The following JHY variants were observed in gnomAD, a reference collection of about 807,000 sequenced individuals.
JHY encodes the protein jhy protein homolog.
In JHY, 69 loss-of-function variants were observed where a neutral mutation model predicts 78.0. That is an observed-to-expected ratio of 0.88 (90% CI 0.73 to 1.08). The LOEUF is 1.08. Ranked by LOEUF, JHY falls within the 50% of genes least tolerant of loss-of-function variation. JHY has a pLI of 0.00. For missense variants in JHY, 944 were observed against 927.8 expected (o/e 1.02, Z -0.23); for synonymous variants, 368 against 342.6 (o/e 1.07, Z -0.82).
intron 4 of JHY, among the ~76,000 whole-genome samples, chr11:122,927,980 C>T (rs1038042205): frequency 6.6e-6 from 1 of 152,268 alleles, no homozygotes; most frequent in African/African-American, 2.4e-5. Flanking sequence ...ATCTGCCCGC[C>T]TGGGCCTCCC....
At chr11:122,930,232 C>T (rs1863607844) in intron 4 of JHY, among the ~76,000 whole-genome samples, 1 of 152,068 alleles carries the variant, frequency 6.6e-6, no homozygotes, top group East Asian at 1.9e-4. Flanking sequence ...AGGTGCAGGC[C>T]AGCACGCCCA....
intron 5 of JHY, among the ~76,000 whole-genome samples, chr11:122,938,940 A>C (rs1471914904): frequency 3.3e-5 from 5 of 150,586 alleles, no homozygotes; most frequent in Non-Finnish European, 5.9e-5. Context: ...ACAGTTGCCT[A>C]GGTGCACAAA....
rs1864301944 is a variant in JHY at position 122,960,995 on chromosome 11, C to T, written c.*1550C>T. On this transcript the variant is annotated 3_prime_UTR_variant, in exon 9 of 9. Transcript: ENST00000227349. ...AGCACATGATAAATTGGGTGCAGAGCATCTCTGCACAACAGGAAAAGGAGA... is the reference window on the plus strand; with the variant it reads ...AGCACATGATAAATTGGGTGCAGAGTATCTCTGCACAACAGGAAAAGGAGA... 1.2e-6 allele frequency: 1 copy of T among 860,330 alleles called. No homozygotes were observed. Among genetic ancestry groups the T allele is most frequent in the Non-Finnish European group, 2.0e-6 (1 of 505,842 alleles). 53.3% of individuals were successfully genotyped at this position (860,330 alleles called of 1,614,324 possible).
chr11:122,947,987 G>A (rs1276347721), intron 6 of JHY, among the ~76,000 whole-genome samples: 1 of 152,146 alleles, frequency 6.6e-6, no homozygotes, highest in Non-Finnish European at 1.5e-5. Context: ...GCAGCTCCAC[G>A]TGGCTGAGGC....
intron 2 of JHY, among the ~76,000 whole-genome samples, chr11:122,899,464 G>A (rs1330893052): frequency 2.0e-5 from 3 of 152,178 alleles, no homozygotes; most frequent in Non-Finnish European, 2.9e-5. Context: ...AATGCAAGAA[G>A]CCTTTACATG....
chr11:122,915,659 C>T (rs1404775876), intron 3 of JHY, among the ~76,000 whole-genome samples: 4 of 152,022 alleles, frequency 2.6e-5, no homozygotes, highest in Non-Finnish European at 4.4e-5. Context: ...ATTAGAGGTA[C>T]CCGCCACCAT....
chr11:122,959,556 C>A lies in JHY; in HGVS notation c.*111C>A, dbSNP rs76252188. On this transcript the variant is annotated 3_prime_UTR_variant, in exon 9 of 9. Transcript: ENST00000227349. ...GTAATGGCCTATTATTATCATCTATCTGCCGTCCATGTTTGCTTTCTGCAG... is the reference window on the plus strand; with the variant it reads ...GTAATGGCCTATTATTATCATCTATATGCCGTCCATGTTTGCTTTCTGCAG... 28,046 of 1,017,120 alleles carry A rather than the reference C, an allele frequency of 0.028. 808 individuals are homozygous for A. Among genetic ancestry groups the A allele is most frequent in the East Asian group, 0.11 (4,090 of 38,020 alleles). The allele number at this position is 1,017,120 out of a possible 1,614,324, so 63.0% of individuals were successfully genotyped here. A position where few individuals can be genotyped will look rare whatever the true frequency, so the allele number is the denominator to read the frequency against.
Position 122,909,460 on chromosome 11 carries a change from G to A in JHY, c.864+5016G>A, listed in dbSNP as rs189866949. Among the ~76,000 whole-genome samples, 504 of 152,116 alleles carry A rather than the reference G, an allele frequency of 3.3e-3. 3 individuals carry two copies. The highest frequency in any genetic ancestry group is 8.9e-3 in the South Asian group (43 of 4,810). Reference sequence around the variant, plus strand: ...CTCAGTCTCCTCATCTTTAAAATGAGGACAGTAATAGGACTTTCCTCATAG... The same window carrying A: ...CTCAGTCTCCTCATCTTTAAAATGAAGACAGTAATAGGACTTTCCTCATAG... On this transcript the variant is annotated intron_variant, in intron 3 of 8. Coordinates refer to ENST00000227349, the MANE Select transcript of JHY (RefSeq NM_024806.4).
At chr11:122,895,279 T>C (rs918448635) in intron 2 of JHY, among the ~76,000 whole-genome samples, 3 of 147,470 alleles carry the variant, frequency 2.0e-5, no homozygotes, top group African/African-American at 7.3e-5. Context: ...AATAATAACA[T>C]GTGCAGTTTC....
At chr11:122,928,718 G>A (rs1293080425) in intron 4 of JHY, among the ~76,000 whole-genome samples, 3 of 152,006 alleles carry the variant, frequency 2.0e-5, no homozygotes, top group African/African-American at 7.2e-5. Flanking sequence ...GCACAATCTC[G>A]GCTCACTGCA....
intron 3 of JHY, among the ~76,000 whole-genome samples, chr11:122,915,232 G>A (rs530538782): frequency 2.6e-5 from 4 of 152,218 alleles, no homozygotes; most frequent in South Asian, 2.1e-4. Flanking sequence ...CAATGTGATC[G>A]CTTCTTTGCC....
rs567478138 is a variant in JHY at position 122,917,508 on chromosome 11, G to A, written c.865-7389G>A. Among the ~76,000 whole-genome samples, 4 of 152,306 alleles carry A rather than the reference G, an allele frequency of 2.6e-5. No individual in the cohort carries two copies. The highest frequency in any genetic ancestry group is 2.1e-4 in the South Asian group (1 of 4,824). On this transcript the variant is annotated intron_variant, in intron 3 of 8. Coordinates refer to ENST00000227349, the MANE Select transcript of JHY (RefSeq NM_024806.4). The surrounding 1 kb of genome is among the most constrained non-coding windows in gnomAD (Gnocchi z 4.1). ...GAACTTAACACAAGTGGAAATTCTT[G>A]GGCCCCATGCCAGACCTCCTGAGTC...
In JHY at chr11:122,883,590, T is replaced by C; in HGVS notation, c.-90+618T>C. On this transcript the variant is annotated intron_variant, in intron 1 of 8. Transcript: ENST00000227349. The surrounding 1 kb of genome is among the most constrained non-coding windows in gnomAD (Gnocchi z 4.4). The stretch of plus-strand genomic sequence containing the variant: ...AGAAATTTCAGCGGCACAACCTTTT[T>C]TTTTTTTCACTGGACGGGAGGAGGG... Among the ~76,000 whole-genome samples, 1 of 152,094 alleles carries C rather than the reference T, an allele frequency of 6.6e-6. No homozygotes were observed.
At chr11:122,912,334 G>T (rs1863149294) in intron 3 of JHY, among the ~76,000 whole-genome samples, 1 of 151,758 alleles carries the variant, frequency 6.6e-6, no homozygotes, top group Non-Finnish European at 1.5e-5. Context: ...CCAGGTGCTT[G>T]GGGAAGGTCT....
chr11:122,932,118 T>C (rs1382400120), intron 4 of JHY, among the ~76,000 whole-genome samples: 1 of 152,226 alleles, frequency 6.6e-6, no homozygotes, highest in Non-Finnish European at 1.5e-5. Flanking sequence ...AATGGCTTTG[T>C]ATATTAACTT....
intron 2 of JHY, among the ~76,000 whole-genome samples, chr11:122,887,797 G>C (rs1862528276): frequency 6.6e-6 from 1 of 152,096 alleles, no homozygotes; most frequent in Non-Finnish European, 1.5e-5. Context: ...TGTTTTGAGT[G>C]TAGCAAAAAT....
intron 3 of JHY, among the ~76,000 whole-genome samples, chr11:122,912,286 CAAA>C (rs374121692): frequency 4.1e-5 from 3 of 73,828 alleles, no homozygotes; most frequent in Non-Finnish European, 2.7e-5. Context: ...GACTCCATCT[CAAA>C]AAAAAAAAAA....
Position 122,911,905 on chromosome 11 carries a change from C to CAAAAAAAAAA in JHY, c.864+7482_864+7491dup, listed in dbSNP as rs59941995. ...GGGCAAGAAGAGCGAAACTCTGTCT[C>CAAAAAAAAAA]AAAAAAAAAAAAAAAAAAAAAAAAA... On this transcript the variant is annotated intron_variant, in intron 3 of 8. Transcript: ENST00000227349. 3.2e-4 allele frequency among the ~76,000 whole-genome samples: 16 copies of CAAAAAAAAAA among 49,732 alleles called. 1 individual carries two copies. The highest frequency in any genetic ancestry group is 8.6e-4 in the East Asian group (1 of 1,168). 32.6% of individuals were successfully genotyped at this position (49,732 alleles called of 152,430 possible). A position where few individuals can be genotyped will look rare whatever the true frequency, so the allele number is the denominator to read the frequency against.
At chr11:122,927,201 T>TA (rs1487550072) in intron 4 of JHY, 1 of 152,216 alleles carries the variant, frequency 6.6e-6, no homozygotes, top group Non-Finnish European at 1.5e-5. Context: ...ATAATCAAGG[T>TA]AAAATCGCAG....
Sources: gnomAD v4.1 joint callset for allele counts (sites outside exome capture counted in the v4.1 genomes callset) on GRCh38, gnomAD v4.1.1 for gene constraint, Gnocchi (gnomAD v3.1) non-coding constraint, MANE v1.5 for transcripts, NCBI Gene and HGNC (gene_info 2026-07-23, HGNC 2026-07-21) for gene names.